DOCK2: variants seen among roughly 807,000 people sequenced by gnomAD.
DOCK2 encodes the protein dedicator of cytokinesis protein 2.
DOCK2 carries 87 observed loss-of-function variants against 248.9 expected under a neutral mutation model. The ratio of observed to expected loss-of-function variants is 0.35; its 90% CI spans 0.29 to 0.42. The LOEUF (loss-of-function observed/expected upper bound fraction) is 0.42, where lower values mean the gene tolerates loss of function less well. Ranked by LOEUF, DOCK2 falls within the 10% of genes least tolerant of loss-of-function variation. The pLI, the probability that DOCK2 is intolerant of heterozygous loss-of-function variation, is 1.00. For synonymous variants in DOCK2, 805 were observed against 821.6 expected, an observed-to-expected ratio of 0.98 and a Z score of 0.35; for missense variants, 1,747 against 2,300.2, an observed-to-expected ratio of 0.76 and a Z score of 4.92.
intron 8 of DOCK2, among the ~76,000 whole-genome samples, chr5:169,688,855 G>C (rs1048376797): frequency 6.6e-6 from 1 of 152,120 alleles, no homozygotes; most frequent in African/African-American, 2.4e-5. Flanking sequence ...GTCTTGAATG[G>C]GGAACGGGCC....
chr5:169,704,634 AAG>A (rs1435799113), intron 14 of DOCK2, among the ~76,000 whole-genome samples: 1 of 152,180 alleles, frequency 6.6e-6, no homozygotes, highest in Admixed American at 6.5e-5. Context: ...AAACAACTAA[AAG>A]AGTATGATTG....
chr5:169,700,926 GACAA>G (rs1760931966), intron 13 of DOCK2, among the ~76,000 whole-genome samples: 1 of 115,546 alleles, frequency 8.7e-6, no homozygotes, highest in African/African-American at 3.6e-5. Flanking sequence ...CGAAAGAAAA[GACAA>G]GAAAAAGAAG....
chr5:169,648,707 G>A lies in DOCK2; in HGVS notation c.44-5696G>A, dbSNP rs147817983. Reference sequence around the variant, plus strand: ...GTTTCCTCATCTGTAAAACAGAGACGATAATAATCACACCCACCCCAAGAA... The same window carrying A: ...GTTTCCTCATCTGTAAAACAGAGACAATAATAATCACACCCACCCCAAGAA... On this transcript the variant is annotated intron_variant, in intron 1 of 51. Coordinates refer to ENST00000520908, the MANE Select transcript of DOCK2 (RefSeq NM_004946.3). 3.3e-3 allele frequency among the ~76,000 whole-genome samples: 498 copies of A among 152,298 alleles called. 5 individuals carry two copies. Among genetic ancestry groups the A allele is most frequent in the African/African-American group, 0.011 (473 of 41,558 alleles).
chr5:169,809,497 GC>G (rs1767607761), intron 26 of DOCK2, among the ~76,000 whole-genome samples: 1 of 152,096 alleles, frequency 6.6e-6, no homozygotes, highest in South Asian at 2.1e-4. Context: ...CCTCCGCTCT[GC>G]CCCCAGGCAG....
intron 22 of DOCK2, among the ~76,000 whole-genome samples, chr5:169,737,980 A>G (rs1763125314): frequency 6.6e-6 from 1 of 152,182 alleles, no homozygotes; most frequent in South Asian, 2.1e-4. Context: ...TATGATTGGC[A>G]TTGGAAATGG....
chr5:169,639,888 C>A (rs966727836), intron 1 of DOCK2, among the ~76,000 whole-genome samples: 2 of 152,230 alleles, frequency 1.3e-5, no homozygotes, highest in African/African-American at 4.8e-5. Flanking sequence ...ATACCACCAA[C>A]TGGGTGGCTT....
chr5:169,720,745 G>C (rs1762153922), intron 22 of DOCK2, among the ~76,000 whole-genome samples: 1 of 151,794 alleles, frequency 6.6e-6, no homozygotes, highest in African/African-American at 2.4e-5. Flanking sequence ...ACAGAGTCTT[G>C]CTCTGTCACT....
At chr5:170,019,486 T>C (rs1316436935) in intron 33 of DOCK2, among the ~76,000 whole-genome samples, 1 of 152,142 alleles carries the variant, frequency 6.6e-6, no homozygotes, top group Non-Finnish European at 1.5e-5. Flanking sequence ...TCTGCGGATC[T>C]ACATTATCTA....
At chr5:169,788,007 G>A (rs1766093739) in intron 25 of DOCK2, among the ~76,000 whole-genome samples, 1 of 152,002 alleles carries the variant, frequency 6.6e-6, no homozygotes, top group African/African-American at 2.4e-5. Flanking sequence ...TTACCCATTT[G>A]TACTAGATTA....
intron 22 of DOCK2, among the ~76,000 whole-genome samples, chr5:169,743,505 G>A (rs1034994362): frequency 6.6e-6 from 1 of 152,160 alleles, no homozygotes; most frequent in South Asian, 2.1e-4. Flanking sequence ...TTTACTTAAC[G>A]CTGATTAAAT....
Position 170,008,525 on chromosome 5 carries a change from T to C in DOCK2, c.3101T>C (p.Val1034Ala). Residue 1034 changes from valine to alanine, a missense_variant, in exon 31 of 52, where the codon GTG becomes GCG. By Grantham distance (64) the Val-to-Ala change is moderately conservative. Coordinates refer to ENST00000520908, the MANE Select transcript of DOCK2 (RefSeq NM_004946.3). ...QLWNNYFHLA[V>A]AFITQDSLQL... ...TGGAACAACTATTTTCATCTGGCAGTGGCTTTTATCACCCAGGATTCTCTG... is the reference window on the plus strand; with the variant it reads ...TGGAACAACTATTTTCATCTGGCAGCGGCTTTTATCACCCAGGATTCTCTG... 6.2e-7 allele frequency: 1 copy of C among 1,614,130 alleles called. No individual in the cohort carries two copies. Among genetic ancestry groups the C allele is most frequent in the Non-Finnish European group, 8.5e-7 (1 of 1,179,954 alleles).
intron 7 of DOCK2, 120 bp from the exon 8 acceptor site, chr5:169,684,076 G>T: frequency 2.5e-6 from 3 of 1,185,482 alleles, no homozygotes; most frequent in Non-Finnish European, 3.6e-6. Context: ...TGATGGCAGA[G>T]CTGGATGGAA....
intron 25 of DOCK2, among the ~76,000 whole-genome samples, chr5:169,792,766 G>A (rs1766425782): frequency 2.0e-5 from 3 of 152,190 alleles, no homozygotes; most frequent in African/African-American, 7.2e-5. Flanking sequence ...GTGTGGCACT[G>A]CAAATGTAAT....
intron 40 of DOCK2, among the ~76,000 whole-genome samples, chr5:170,048,912 G>T (rs1756812568): frequency 6.6e-6 from 1 of 152,168 alleles, no homozygotes; most frequent in South Asian, 2.1e-4. Context: ...AACCTCACTT[G>T]ATTTAGTCTA....
At chr5:169,868,680 C>A (rs1771749954) in intron 27 of DOCK2, among the ~76,000 whole-genome samples, 1 of 152,126 alleles carries the variant, frequency 6.6e-6, no homozygotes, top group Admixed American at 6.5e-5. Flanking sequence ...ATCACTTCAG[C>A]CCAGGAAATT....
intron 50 of DOCK2, 68 bp downstream of exon 50, chr5:170,080,351 G>A (rs1757985684): frequency 2.5e-6 from 4 of 1,596,370 alleles, no homozygotes; most frequent in Non-Finnish European, 3.4e-6. Flanking sequence ...TGTGGGTGGA[G>A]GATGGATGGG....
At chr5:169,903,087 A>C (rs1014483499) in intron 27 of DOCK2, among the ~76,000 whole-genome samples, 1 of 150,444 alleles carries the variant, frequency 6.6e-6, no homozygotes, top group African/African-American at 2.5e-5. Context: ...ACAGAGCAAG[A>C]CTCCATCTCA....
chr5:169,859,958 CTTTT>C (rs759586059), intron 27 of DOCK2, among the ~76,000 whole-genome samples: 1 of 107,220 alleles, frequency 9.3e-6, no homozygotes, highest in African/African-American at 3.8e-5. Context: ...GTGGATCCTT[CTTTT>C]TTTTTTTTTT....
At chr5:169,654,999 T>C (rs1758025165) in intron 2 of DOCK2, among the ~76,000 whole-genome samples, 1 of 152,260 alleles carries the variant, frequency 6.6e-6, no homozygotes, top group African/African-American at 2.4e-5. Context: ...AAGATGCCAT[T>C]GCCTTGTGAA....
Sources: gnomAD v4.1 joint callset for allele counts (sites outside exome capture counted in the v4.1 genomes callset) on GRCh38, gnomAD v4.1.1 for gene constraint, MANE v1.5 for transcripts, NCBI Gene and HGNC (gene_info 2026-07-23, HGNC 2026-07-21) for gene names.